The following PARN variants were observed in gnomAD, a reference collection of about 807,000 sequenced individuals.
The protein encoded by PARN is poly(A)-specific ribonuclease PARN.
In PARN, 71 loss-of-function variants were observed where a neutral mutation model predicts 102.8. That is an observed-to-expected ratio of 0.69 (90% CI 0.57 to 0.84). The LOEUF is 0.84. PARN is among the 40% of genes least tolerant of loss of function. PARN has a pLI of 0.00. For missense variants in PARN, 782 were observed against 760.9 expected (o/e 1.03, Z -0.33); for synonymous variants, 261 against 252.9 (o/e 1.03, Z -0.30).
At chr16:14,444,309 T>C (rs1208057447) in intron 23 of PARN, among the ~76,000 whole-genome samples, 2 of 150,688 alleles carry the variant, frequency 1.3e-5, no homozygotes, top group Non-Finnish European at 3.0e-5. Context: ...CTCTTTCTCT[T>C]TTTTTTTTGG....
At chr16:14,467,893 A>T (rs1962460227) in intron 22 of PARN, among the ~76,000 whole-genome samples, 1 of 152,254 alleles carries the variant, frequency 6.6e-6, no homozygotes, top group Non-Finnish European at 1.5e-5. Context: ...GTGGGAAGAC[A>T]TGTTCCAAGT....
intron 18 of PARN, among the ~76,000 whole-genome samples, chr16:14,574,671 C>T (rs997229679): frequency 6.6e-5 from 10 of 152,198 alleles, no homozygotes; most frequent in Non-Finnish European, 1.2e-4. Context: ...CGAGATTGTG[C>T]CACTGCACTC....
At chr16:14,471,395 A>G (rs1162100113) in intron 22 of PARN, among the ~76,000 whole-genome samples, 2 of 152,208 alleles carry the variant, frequency 1.3e-5, no homozygotes, top group Non-Finnish European at 2.9e-5. Flanking sequence ...TTCTCTATTT[A>G]CATTTTTTAA....
intron 12 of PARN, among the ~76,000 whole-genome samples, chr16:14,597,866 G>A (rs531005860): frequency 7.2e-5 from 11 of 152,232 alleles, no homozygotes; most frequent in Admixed American, 2.6e-4. Flanking sequence ...TTATACAGCC[G>A]GGCATGGTGG....
chr16:14,451,870 A>AAAAAAAAAAAAAAAAAAAAAAAAAAAC (rs1961468992), intron 22 of PARN, among the ~76,000 whole-genome samples: 1 of 16,954 alleles, frequency 5.9e-5, no homozygotes, highest in Non-Finnish European at 1.3e-4. Context: ...AAAAAAATAC[A>AAAAAAAAAAAAAAAAAAAAAAAAAAAC]AAAAAAAAAA....
intron 22 of PARN, 115 bp from the exon 23 acceptor site, chr16:14,447,196 A>C: frequency 3.4e-6 from 2 of 587,860 alleles, no homozygotes; most frequent in Non-Finnish European, 5.5e-6. Flanking sequence ...CATCAACAAC[A>C]TGGGCAGCTG....
At chr16:14,581,858 G>T (rs538412460) in intron 17 of PARN, among the ~76,000 whole-genome samples, 34 of 152,282 alleles carry the variant, frequency 2.2e-4, no homozygotes, top group Non-Finnish European at 4.1e-4. Flanking sequence ...AGCTATGATT[G>T]AACCACTGTA....
intron 13 of PARN, among the ~76,000 whole-genome samples, chr16:14,587,219 G>A (rs1305694762): frequency 6.6e-6 from 1 of 152,082 alleles, no homozygotes; most frequent in Non-Finnish European, 1.5e-5. Context: ...TAAATTAATG[G>A]GCAAAGCATG....
chr16:14,595,558 A>G (rs556138188), intron 12 of PARN, among the ~76,000 whole-genome samples: 1 of 151,594 alleles, frequency 6.6e-6, no homozygotes, highest in African/African-American at 2.4e-5. Flanking sequence ...TTTGAAATGC[A>G]GTCTTGCTCT....
chr16:14,472,224 C>T (rs1342928743), intron 22 of PARN, among the ~76,000 whole-genome samples: 1 of 152,158 alleles, frequency 6.6e-6, no homozygotes, highest in Non-Finnish European at 1.5e-5. Flanking sequence ...AATCAATTTT[C>T]CTGGTTAATC....
At chr16:14,581,040 A>C (rs1969502856) in intron 17 of PARN, 97 bp from the exon 18 acceptor site, 1 of 698,916 alleles carries the variant, frequency 1.4e-6, no homozygotes, top group African/African-American at 1.8e-5. Context: ...AGCATGGTTC[A>C]ACAAGTGTGA....
chr16:14,605,874 T>G (rs1043788270), intron 10 of PARN, among the ~76,000 whole-genome samples: 2 of 152,236 alleles, frequency 1.3e-5, no homozygotes, highest in Non-Finnish European at 2.9e-5. Context: ...TGTACCATTA[T>G]AGCTTTCTGC....
At chr16:14,559,230 T>G (rs989538237) in intron 18 of PARN, among the ~76,000 whole-genome samples, 12 of 151,836 alleles carry the variant, frequency 7.9e-5, no homozygotes, top group African/African-American at 1.2e-4. Flanking sequence ...TGTTGTTGTT[T>G]TTTTTTTATT....
intron 2 of PARN, 71 bp from the exon 3 acceptor site, chr16:14,628,322 A>G (rs1235830627): frequency 1.2e-6 from 1 of 828,046 alleles, no homozygotes; most frequent in Non-Finnish European, 2.0e-6. Flanking sequence ...TCAATCATTC[A>G]GTGCCTCTAT....
intron 22 of PARN, among the ~76,000 whole-genome samples, chr16:14,457,415 G>C (rs1057399807): frequency 1.3e-5 from 2 of 152,288 alleles, no homozygotes; most frequent in African/African-American, 4.8e-5. Context: ...TTAGGTGGGA[G>C]AGGGGAGGAT....
At chr16:14,625,696 A>G (rs1030063430) in intron 5 of PARN, among the ~76,000 whole-genome samples, 1 of 152,128 alleles carries the variant, frequency 6.6e-6, no homozygotes, top group Non-Finnish European at 1.5e-5. Context: ...TTAACTCTCG[A>G]TTTCATTTGT....
In PARN at chr16:14,582,508, T is replaced by G. The variant is rs115896122; in HGVS notation, c.1082-217A>C. On this transcript the variant is annotated intron_variant, in intron 16 of 23. Coordinates refer to ENST00000437198, the MANE Select transcript of PARN (RefSeq NM_002582.4). ...GTCTAGGATACAGAAATGCCTCAGT[T>G]AGATTACAAAGGACTCAGCCGTGGG... Among the ~76,000 whole-genome samples, 721 of 152,218 alleles carry G rather than the reference T, an allele frequency of 4.7e-3. 8 individuals are homozygous for G. Among genetic ancestry groups the G allele is most frequent in the African/African-American group, 0.016 (682 of 41,548 alleles).
chr16:14,602,233 T>G (rs1397824024), intron 11 of PARN: 1 of 152,198 alleles, frequency 6.6e-6, no homozygotes, highest in Non-Finnish European at 1.5e-5. Flanking sequence ...ACTGCCCCTT[T>G]TTCTCTCCTC....
chr16:14,543,912 C>T (rs779735689), intron 21 of PARN, among the ~76,000 whole-genome samples: 22 of 152,080 alleles, frequency 1.4e-4, no homozygotes, highest in African/African-American at 2.2e-4. Context: ...AAGCAAAACC[C>T]GGCTGGGCAC....
Sources: allele counts gnomAD v4.1 joint callset (sites outside exome capture counted in the v4.1 genomes callset), GRCh38; gene constraint gnomAD v4.1.1; transcripts MANE v1.5; gene names NCBI Gene and HGNC (gene_info 2026-07-23, HGNC 2026-07-21).